Variants in PCDHA9 observed in about 807,000 individuals in gnomAD.
PCDHA9 encodes protocadherin alpha-9.
In PCDHA9, 62 loss-of-function variants were observed where a neutral mutation model predicts 62.0. That is an observed-to-expected ratio of 1.00 (90% CI 0.81 to 1.23). The LOEUF (loss-of-function observed/expected upper bound fraction) is 1.23. Ranked by LOEUF, PCDHA9 falls within the 50% of genes most tolerant of loss-of-function variation. The pLI, the probability that PCDHA9 is intolerant of heterozygous loss-of-function variation, is 0.00. For missense variants in PCDHA9, 1,205 were observed against 1,249.8 expected, an observed-to-expected ratio of 0.96 and a Z score of 0.54; for synonymous variants, 557 against 567.6, an observed-to-expected ratio of 0.98 and a Z score of 0.27.
chr5:140,967,471 A>G (rs2096144842), intron 1 of PCDHA9: 3 of 1,613,466 alleles, frequency 1.9e-6, no homozygotes, highest in Middle Eastern at 1.7e-4. Context: ...GGGGCATCCC[A>G]GCCCGCTCGG....
chr5:140,965,990 G>A (rs1292240100), intron 1 of PCDHA9, among the ~76,000 whole-genome samples: 4 of 152,194 alleles, frequency 2.6e-5, no homozygotes, highest in African/African-American at 9.6e-5. Context: ...ACTTTCTGCA[G>A]TACTTAAGAG....
chr5:140,871,208 C>A (rs782698436), intron 1 of PCDHA9: 1 of 1,613,802 alleles, frequency 6.2e-7, no homozygotes, highest in Non-Finnish European at 8.5e-7. Context: ...CTGATCATCG[C>A]CATCTGCGTG....
intron 1 of PCDHA9, chr5:140,967,579 C>T: frequency 7.4e-6 from 12 of 1,614,154 alleles, no homozygotes; most frequent in Non-Finnish European, 9.3e-6. Context: ...AGGACTCACC[C>T]CCAGGCACAT....
At position 140,855,909 on chromosome 5, in the gene PCDHA9, A is replaced by C. The variant is rs1554148009; in HGVS notation, c.2394+5020A>C. The stretch of plus-strand genomic sequence containing the variant: ...GAACAAAGGCATCAGCCAGTTTCTC[A>C]AGGACTAGGAAGTAGCGTCATTCTG... On this transcript the variant is annotated intron_variant, in intron 1 of 3. Coordinates refer to ENST00000532602, the MANE Select transcript of PCDHA9 (RefSeq NM_031857.2). The C allele has an allele frequency of 6.1e-6, 7 of 1,151,572 alleles. 1 individual carries two copies. The highest frequency in any genetic ancestry group is 4.6e-5 in the African/African-American group (3 of 65,014). 71.3% of individuals were successfully genotyped at this position (1,151,572 alleles called of 1,614,324 possible). A position where few individuals can be genotyped will look rare whatever the true frequency, so the allele number is the denominator to read the frequency against.
At chr5:140,903,321 T>A (rs2070191003) in intron 1 of PCDHA9, among the ~76,000 whole-genome samples, 1 of 152,174 alleles carries the variant, frequency 6.6e-6, no homozygotes, top group Non-Finnish European at 1.5e-5. Flanking sequence ...GACAGCATTT[T>A]TATTGAGGAA....
At chr5:140,881,638 A>G (rs1237929257) in intron 1 of PCDHA9, among the ~76,000 whole-genome samples, 1 of 152,214 alleles carries the variant, frequency 6.6e-6, no homozygotes, top group Non-Finnish European at 1.5e-5. Context: ...TCAGTTACCA[A>G]TATTTTTCAC....
Position 140,858,751 on chromosome 5 carries a change from G to A in PCDHA9, c.2394+7862G>A, listed in dbSNP as rs938240146. On this transcript the variant is annotated intron_variant, in intron 1 of 3. Coordinates refer to ENST00000532602, the MANE Select transcript of PCDHA9 (RefSeq NM_031857.2). ...CGATTTACTTTCATAATCACTTTTC[G>A]TTACAAATATTTGTGAGATTAGTAC... 35 of 456,172 alleles carry A rather than the reference G, an allele frequency of 7.7e-5. 1 individual carries two copies. In the East Asian group the frequency reaches 9.6e-4, roughly 13 times the overall value. 28.3% of individuals were successfully genotyped at this position (456,172 alleles called of 1,614,324 possible).
At chr5:140,857,050 G>T in intron 1 of PCDHA9, 1 of 1,595,508 alleles carries the variant, frequency 6.3e-7, no homozygotes, top group Non-Finnish European at 8.6e-7. Flanking sequence ...GTCACTGCAC[G>T]GTCCTAGTGG....
intron 3 of PCDHA9, among the ~76,000 whole-genome samples, chr5:140,995,324 G>C (rs1290299693): frequency 1.3e-5 from 2 of 152,190 alleles, no homozygotes; most frequent in Non-Finnish European, 2.9e-5. Context: ...GAACTAACAG[G>C]TGAGTAGTGT....
chr5:140,862,716 G>T, intron 1 of PCDHA9: 3 of 564,370 alleles, frequency 5.3e-6, no homozygotes, highest in Non-Finnish European at 1.0e-5. Flanking sequence ...GGGTGGGCGA[G>T]TGCGCGCTGT....
chr5:140,862,475 C>T (rs1252932396), intron 1 of PCDHA9: 2 of 377,970 alleles, frequency 5.3e-6, no homozygotes, highest in African/African-American at 4.2e-5. Flanking sequence ...GCAAATCTAT[C>T]CATTGTTGGT....
chr5:140,854,987 T>C (rs1220578373), intron 1 of PCDHA9, among the ~76,000 whole-genome samples: 1 of 149,970 alleles, frequency 6.7e-6, no homozygotes, highest in Admixed American at 6.7e-5. Context: ...TAAGATTCTT[T>C]TTGCCCGTGT....
intron 1 of PCDHA9, chr5:140,866,007 T>A (rs568957330): frequency 6.6e-6 from 1 of 152,272 alleles, no homozygotes; most frequent in East Asian, 1.9e-4. Context: ...TGTTAAGTGA[T>A]TTTTTTCTTG....
chr5:140,874,624 A>G (rs1554167312), intron 1 of PCDHA9, among the ~76,000 whole-genome samples: 3 of 152,242 alleles, frequency 2.0e-5, no homozygotes, highest in African/African-American at 2.4e-5. Flanking sequence ...AACATTTTAC[A>G]TTAAAGTGCT....
chr5:140,897,199 A>G (rs760377746), intron 1 of PCDHA9, among the ~76,000 whole-genome samples: 1 of 152,030 alleles, frequency 6.6e-6, no homozygotes, highest in Admixed American at 6.6e-5. Flanking sequence ...TTTTTTTATT[A>G]TACTTTAAGT....
At chr5:140,923,577 G>C (rs1456273088) in intron 1 of PCDHA9, among the ~76,000 whole-genome samples, 3 of 152,196 alleles carry the variant, frequency 2.0e-5, no homozygotes, top group Non-Finnish European at 4.4e-5. Context: ...CTGCTAAAGA[G>C]AAGGTTTGTT....
chr5:140,935,734 C>G (rs1290620794), intron 1 of PCDHA9, among the ~76,000 whole-genome samples: 1 of 152,032 alleles, frequency 6.6e-6, no homozygotes, highest in East Asian at 1.9e-4. Flanking sequence ...AGTCTAGTAT[C>G]TATTATTCCA....
At chr5:140,959,373 CA>C (rs1243465116) in intron 1 of PCDHA9, among the ~76,000 whole-genome samples, 26 of 145,126 alleles carry the variant, frequency 1.8e-4, no homozygotes, top group South Asian at 2.2e-4. Flanking sequence ...GACCCTGTCT[CA>C]AAAAAAAAAG....
intron 1 of PCDHA9, among the ~76,000 whole-genome samples, chr5:140,943,277 AGAAAG>A (rs797041544): frequency 8.1e-4 from 104 of 129,164 alleles, no homozygotes; most frequent in African/African-American, 3.0e-3. Context: ...AAAAAAAAAA[AGAAAG>A]AAAGAATTAA....
Sources: gnomAD v4.1 joint callset for allele counts (sites outside exome capture counted in the v4.1 genomes callset) on GRCh38, gnomAD v4.1.1 for gene constraint, MANE v1.5 for transcripts, NCBI Gene and HGNC (gene_info 2026-07-23, HGNC 2026-07-21) for gene names.